The following DCAF1 variants were observed in gnomAD, a reference collection of about 807,000 sequenced individuals.
DCAF1 encodes DDB1- and CUL4-associated factor 1.
In DCAF1, 15 loss-of-function variants were observed where a neutral mutation model predicts 128.0. The ratio of observed to expected loss-of-function variants is 0.12; its 90% CI spans 0.08 to 0.18. The LOEUF (loss-of-function observed/expected upper bound fraction) is 0.18, where lower values mean the gene tolerates loss of function less well. DCAF1 is among the 10% of genes least tolerant of loss of function. DCAF1 has a pLI of 1.00. For synonymous variants in DCAF1, 610 were observed against 603.0 expected (o/e 1.01, Z -0.17); for missense variants, 988 against 1,649.5 (o/e 0.60, Z 6.95).
Position 51,418,768 on chromosome 3 carries a change from C to T in DCAF1, c.3345G>A (p.Gly1115=), listed in dbSNP as rs1553631407. The change falls in exon 16 of 25, where the codon GGG becomes GGA. Residue 1115 remains glycine, a synonymous_variant. Transcript: ENST00000684031. The stretch of plus-strand genomic sequence containing the variant: ...TAAACACATTATAGAGCTTCAGCTG[C>T]CCTGTGCAGGTGCCAAGCATCAGGA... ...ERFLMLGTCT[G]QLKLYNVFSG... is the part of the protein sequence containing the mutation. The T allele has an allele frequency of 6.2e-7, 1 of 1,613,872 alleles. No individual in the cohort carries two copies. The highest frequency in any genetic ancestry group is 1.3e-5 in the African/African-American group (1 of 74,894).
intron 23 of DCAF1, among the ~76,000 whole-genome samples, chr3:51,405,780 T>A (rs1311254588): frequency 6.6e-6 from 1 of 152,172 alleles, no homozygotes; most frequent in Non-Finnish European, 1.5e-5. Flanking sequence ...GTCAAGTAAC[T>A]GGTGGCATGA....
intron 3 of DCAF1, among the ~76,000 whole-genome samples, chr3:51,480,738 G>A (rs1577290360): frequency 1.3e-5 from 2 of 152,214 alleles, no homozygotes; most frequent in African/African-American, 2.4e-5. Context: ...TGGGATTACA[G>A]GTGTGAGGCA....
At chr3:51,408,337 G>A (rs1429009105) in intron 23 of DCAF1, among the ~76,000 whole-genome samples, 2 of 152,228 alleles carry the variant, frequency 1.3e-5, no homozygotes, top group Non-Finnish European at 1.5e-5. Context: ...AATTTATTTT[G>A]CTATAATGAA....
chr3:51,465,909 A>G (rs78956632), intron 5 of DCAF1, among the ~76,000 whole-genome samples: 317 of 151,838 alleles, frequency 2.1e-3, no homozygotes, highest in Non-Finnish European at 3.6e-3. Flanking sequence ...CTAGAAAAAT[A>G]AGGCTGCGGC....
intron 7 of DCAF1, among the ~76,000 whole-genome samples, chr3:51,443,375 G>A (rs1388203521): frequency 6.6e-6 from 1 of 152,076 alleles, no homozygotes; most frequent in African/African-American, 2.4e-5. Flanking sequence ...TGGATCATGA[G>A]GTCAGGAGTT....
intron 24 of DCAF1, 36 bp downstream of exon 24, chr3:51,403,107 T>G (rs2106863130): frequency 6.4e-7 from 1 of 1,570,998 alleles, no homozygotes; most frequent in Admixed American, 1.8e-5. Flanking sequence ...TTGCCCTGGG[T>G]GCCAAGGCTC....
At chr3:51,403,455 C>T (rs1553625645) in intron 23 of DCAF1, 60 bp from the exon 24 acceptor site, 3 of 1,531,776 alleles carry the variant, frequency 2.0e-6, no homozygotes, top group South Asian at 2.5e-5. Flanking sequence ...ATGGGGGCCA[C>T]ATGGCGGGTC....
chr3:51,502,512 G>A (rs1480263390), upstream of DCAF1, among the ~76,000 whole-genome samples: 1 of 152,008 alleles, frequency 6.6e-6, no homozygotes. Flanking sequence ...AGCTGTCATT[G>A]TGCCACTGCA....
chr3:51,502,010 C>T (rs1708831105), upstream of DCAF1, among the ~76,000 whole-genome samples: 1 of 152,316 alleles, frequency 6.6e-6, no homozygotes, highest in South Asian at 2.1e-4. Flanking sequence ...ATTCCTCCAG[C>T]ACTCCTTCAG....
intron 6 of DCAF1, among the ~76,000 whole-genome samples, chr3:51,446,963 A>AAATAATAAT (rs59908556): frequency 0.12 from 16,419 of 136,822 alleles, 1,042 homozygotes; most frequent in African/African-American, 0.16. Flanking sequence ...TTTGTCTCAA[A>AAATAATAAT]AATAATAATA....
At chr3:51,481,348 G>A (rs1262670789) in intron 3 of DCAF1, among the ~76,000 whole-genome samples, 1 of 152,128 alleles carries the variant, frequency 6.6e-6, no homozygotes, top group Non-Finnish European at 1.5e-5. Flanking sequence ...GTAAACTGGA[G>A]GGTAAACTTA....
At chr3:51,467,470 A>AG (rs1704247505) in intron 4 of DCAF1, among the ~76,000 whole-genome samples, 1 of 152,112 alleles carries the variant, frequency 6.6e-6, no homozygotes, top group Admixed American at 6.6e-5. Context: ...GGACACAGGA[A>AG]GGGGAACATC....
At chr3:51,503,464 ATCC>A (rs753973978), upstream of DCAF1, among the ~76,000 whole-genome samples, 2 of 152,012 alleles carry the variant, frequency 1.3e-5, no homozygotes, top group African/African-American at 4.8e-5. Context: ...CCACAAGCCC[ATCC>A]TCACCCTGGT....
intron 3 of DCAF1, among the ~76,000 whole-genome samples, chr3:51,481,680 C>G (rs557798242): frequency 3.5e-4 from 53 of 151,672 alleles, no homozygotes; most frequent in Non-Finnish European, 6.3e-4. Flanking sequence ...GAGCAAGACT[C>G]CGTCTCAAAA....
intron 9 of DCAF1, among the ~76,000 whole-genome samples, chr3:51,439,687 CAT>C (rs1488338710): frequency 2.0e-5 from 3 of 151,910 alleles, no homozygotes; most frequent in African/African-American, 7.3e-5. Flanking sequence ...ACAATATGTA[CAT>C]AGTTTAAAAA....
intron 3 of DCAF1, among the ~76,000 whole-genome samples, chr3:51,473,536 A>C (rs1485389071): frequency 6.6e-6 from 1 of 150,526 alleles, no homozygotes; most frequent in Non-Finnish European, 1.5e-5. Flanking sequence ...GAAAAAAAAA[A>C]CAGGGTCTCA....
intron 2 of DCAF1, among the ~76,000 whole-genome samples, chr3:51,491,188 A>G (rs933176408): frequency 9.9e-5 from 15 of 151,920 alleles, no homozygotes; most frequent in African/African-American, 3.6e-4. Context: ...TCCCCAGTAA[A>G]AATACAAAAA....
chr3:51,454,037 G>A (rs546068166), intron 6 of DCAF1, among the ~76,000 whole-genome samples: 5 of 151,536 alleles, frequency 3.3e-5, no homozygotes, highest in South Asian at 2.1e-4. Flanking sequence ...TTTACATTAC[G>A]TCTAAAACTT....
intron 2 of DCAF1, among the ~76,000 whole-genome samples, chr3:51,484,318 C>G (rs1166774575): frequency 6.6e-6 from 1 of 151,724 alleles, no homozygotes; most frequent in Non-Finnish European, 1.5e-5. Context: ...ACTAAAAATA[C>G]AAAAATTATC....
Sources: gnomAD v4.1 joint callset for allele counts (sites outside exome capture counted in the v4.1 genomes callset) on GRCh38, gnomAD v4.1.1 for gene constraint, MANE v1.5 for transcripts, NCBI Gene and HGNC (gene_info 2026-07-23, HGNC 2026-07-21) for gene names.